RGSL1: variants seen among roughly 807,000 people sequenced by gnomAD.
RGSL1 encodes the protein regulator of G protein signaling protein-like.
A neutral mutation model predicts 124.7 loss-of-function variants in RGSL1; 97 were observed. The observed-to-expected ratio is 0.78, with a 90% CI of 0.66 to 0.92. The LOEUF is 0.92. Among genes scored for constraint, RGSL1 ranks in the 40% least tolerant of loss-of-function variants. RGSL1 has a pLI of 0.00. For synonymous variants in RGSL1, 424 were observed against 438.1 expected (o/e 0.97, Z 0.40); for missense variants, 1,233 against 1,288.4 (o/e 0.96, Z 0.66).
At chr1:182,541,231 G>A (rs1351159764) in intron 15 of RGSL1, among the ~76,000 whole-genome samples, 4 of 152,006 alleles carry the variant, frequency 2.6e-5, no homozygotes, top group African/African-American at 7.2e-5. Context: ...TGATCAAACT[G>A]TCTTCATCAC....
At chr1:182,559,121 T>C (rs1295877644) in intron 21 of RGSL1, among the ~76,000 whole-genome samples, 1 of 152,214 alleles carries the variant, frequency 6.6e-6, no homozygotes, top group Non-Finnish European at 1.5e-5. Context: ...GCTTCTTCCT[T>C]AAATATCAGT....
intron 9 of RGSL1, among the ~76,000 whole-genome samples, chr1:182,515,422 T>C (rs2102214164): frequency 6.6e-6 from 1 of 151,834 alleles, no homozygotes; most frequent in Middle Eastern, 3.4e-3. Context: ...CACGGATCTG[T>C]TTAGATTAAG....
intron 8 of RGSL1, among the ~76,000 whole-genome samples, chr1:182,490,816 C>T (rs1011564201): frequency 6.6e-6 from 1 of 152,070 alleles, no homozygotes; most frequent in Non-Finnish European, 1.5e-5. Context: ...TAATAAAGGG[C>T]CTTCTTTGCA....
At position 182,461,880 on chromosome 1, in the gene RGSL1, A is replaced by G. The variant is rs563308782; in HGVS notation, c.301+1747A>G. ...TGGGACTTGTGGGGCACCATCAGGC[A>G]GGCCAACACACACATACATTATGGA... On this transcript the variant is annotated intron_variant, in intron 4 of 21. Coordinates refer to ENST00000294854, the MANE Select transcript of RGSL1 (RefSeq NM_001137669.2). 9.2e-5 allele frequency among the ~76,000 whole-genome samples: 14 copies of G among 152,298 alleles called. No individual in the cohort carries two copies. The East Asian group carries it at 2.7e-3, about 29-fold the overall frequency.
At position 182,453,931 on chromosome 1, in the gene RGSL1, T is replaced by C. The variant is rs1234212578; in HGVS notation, c.14-27T>C. Reference sequence around the variant, plus strand: ...GAATGCAATTCTGGTTCATGTTTTGTTTTTTTATTTCTCTCTCTCCATATA... The same window carrying C: ...GAATGCAATTCTGGTTCATGTTTTGCTTTTTTATTTCTCTCTCTCCATATA... On this transcript the variant is annotated intron_variant, in intron 1 of 21. Transcript: ENST00000294854. 3.2e-6 allele frequency: 4 copies of C among 1,260,650 alleles called. No homozygotes were observed. The African/African-American group carries it at 6.0e-5, about 19-fold the overall frequency. The allele number at this position is 1,260,650 out of a possible 1,614,324, so 78.1% of individuals were successfully genotyped here.
intron 6 of RGSL1, among the ~76,000 whole-genome samples, chr1:182,482,693 G>A (rs144101773): frequency 4.6e-5 from 7 of 152,316 alleles, no homozygotes; most frequent in African/African-American, 1.7e-4. Context: ...GGTGTGACCA[G>A]TATGGAAAAC....
chr1:182,453,833 C>G, intron 1 of RGSL1, 125 bp from the exon 2 acceptor site: 1 of 641,218 alleles, frequency 1.6e-6, no homozygotes, highest in Admixed American at 2.4e-5. Flanking sequence ...AATTGCATGA[C>G]CCTAGAGGCT....
rs1297934189 is a variant in RGSL1, at chr1:182,560,522, C to T, written c.*409C>T. 1 of 152,242 alleles carries T rather than the reference C, an allele frequency of 6.6e-6. No individual in the cohort carries two copies. The highest frequency in any genetic ancestry group is 1.9e-4 in the East Asian group (1 of 5,196). The allele number at this position is 152,242 out of a possible 1,614,324, so 9.4% of individuals were successfully genotyped here. On this transcript the variant is annotated 3_prime_UTR_variant, in exon 22 of 22. Transcript: ENST00000294854. Reference sequence around the variant, plus strand: ...GAGGTGGCCCGTATGTGCAGGACCTCAGGGTGCCAGCCCTCACCCATACAC... The same window carrying T: ...GAGGTGGCCCGTATGTGCAGGACCTTAGGGTGCCAGCCCTCACCCATACAC...
chr1:182,534,061 ACT>A (rs1659376047), intron 14 of RGSL1, among the ~76,000 whole-genome samples: 1 of 151,978 alleles, frequency 6.6e-6, no homozygotes. Context: ...ACAAATCATG[ACT>A]CTCTTGATGA....
intron 15 of RGSL1, among the ~76,000 whole-genome samples, chr1:182,544,411 T>G (rs1558421219): frequency 6.6e-6 from 1 of 152,082 alleles, no homozygotes; most frequent in Non-Finnish European, 1.5e-5. Flanking sequence ...AGACTTGTTT[T>G]GTGGTCTGTT....
At chr1:182,501,255 T>C (rs1387802131) in intron 9 of RGSL1, among the ~76,000 whole-genome samples, 2 of 40,534 alleles carry the variant, frequency 4.9e-5, no homozygotes, top group Non-Finnish European at 5.5e-5. Context: ...GTCCTTCCTT[T>C]CTCTCTTTCT....
At position 182,527,663 on chromosome 1, in the gene RGSL1, G is replaced by A. The variant is rs1303072861; in HGVS notation, c.2016G>A (p.Leu672=). ...AGGAACGGAAGGCTAAAATCCCATTGCAATTTCTCACAGCTGTACAGAAGA... is the reference window on the plus strand; with the variant it reads ...AGGAACGGAAGGCTAAAATCCCATTACAATTTCTCACAGCTGTACAGAAGA... The part of the protein sequence containing the change: ...FLKERKAKIP[L]QFLTAVQKIS... Residue 672 remains leucine (L), a synonymous_variant, in exon 11 of 22, where the codon TTG becomes TTA. Transcript: ENST00000294854. 8 of 1,551,452 alleles carry A rather than the reference G, an allele frequency of 5.2e-6. No individual in the cohort carries two copies. Among genetic ancestry groups the A allele is most frequent in the Non-Finnish European group, 7.0e-6 (8 of 1,146,794 alleles).
intron 15 of RGSL1, among the ~76,000 whole-genome samples, chr1:182,544,454 T>G (rs1660083927): frequency 6.6e-6 from 1 of 152,078 alleles, no homozygotes; most frequent in South Asian, 2.1e-4. Context: ...ATGAAAAGAT[T>G]GTATATTCTG....
At chr1:182,459,042 G>T (rs1018487082) in intron 3 of RGSL1, among the ~76,000 whole-genome samples, 6 of 152,158 alleles carry the variant, frequency 3.9e-5, no homozygotes, top group Admixed American at 1.3e-4. Flanking sequence ...AACTTTAAGG[G>T]CACTTCTAAG....
rs1277916721 is a variant in RGSL1 at position 182,536,719 on chromosome 1, A to G, written c.2495-3528A>G. On this transcript the variant is annotated intron_variant, in intron 14 of 21. Transcript: ENST00000294854. ...CAGAAGGCTAGGAGGAGCAAGCCAC[A>G]TCTTACGTGGATGGCGGCAGGCAGA... Among the ~76,000 whole-genome samples, 7 of 152,180 alleles carry G rather than the reference A, an allele frequency of 4.6e-5. No homozygotes were observed. The East Asian group carries it at 1.2e-3, about 25-fold the overall frequency.
chr1:182,475,375 C>T (rs1040127259), intron 6 of RGSL1, among the ~76,000 whole-genome samples: 13 of 152,078 alleles, frequency 8.5e-5, no homozygotes, highest in Admixed American at 2.0e-4. Context: ...AGAAAGCAAA[C>T]GGCAAAGTTA....
intron 11 of RGSL1, among the ~76,000 whole-genome samples, chr1:182,529,223 A>G (rs987861824): frequency 6.6e-6 from 1 of 152,182 alleles, no homozygotes; most frequent in Non-Finnish European, 1.5e-5. Context: ...TCCCTGTAAT[A>G]TAGGGATAGG....
chr1:182,455,713 G>C (rs975554721), intron 2 of RGSL1, among the ~76,000 whole-genome samples: 2 of 152,230 alleles, frequency 1.3e-5, no homozygotes, highest in Admixed American at 1.3e-4. Context: ...TTGACACTTT[G>C]GGGCAAATTG....
rs1486565892 is a variant in RGSL1, at chr1:182,454,107, A to G, written c.96+67A>G. The G allele has an allele frequency of 5.4e-6, 5 of 932,636 alleles. No homozygotes were observed. In the African/African-American group the frequency reaches 6.7e-5, roughly 12 times the overall value. 57.8% of individuals were successfully genotyped at this position (932,636 alleles called of 1,614,324 possible). ...CTGAATAGTGAATCTCACAGAGCTG[A>G]GTGACTTTTTTTGTTTGTTTGTTGT... On this transcript the variant is annotated intron_variant, in intron 2 of 21. Coordinates refer to ENST00000294854, the MANE Select transcript of RGSL1 (RefSeq NM_001137669.2).
Sources: allele counts gnomAD v4.1 joint callset (sites outside exome capture counted in the v4.1 genomes callset), GRCh38; gene constraint gnomAD v4.1.1; transcripts MANE v1.5; gene names NCBI Gene and HGNC (gene_info 2026-07-23, HGNC 2026-07-21).